DYM: variants seen among roughly 807,000 people sequenced by gnomAD.
DYM encodes dymeclin, also known as dyggve-Melchior-Clausen syndrome protein.
In DYM, 78 loss-of-function variants were observed where a neutral mutation model predicts 93.1. The ratio of observed to expected loss-of-function variants is 0.84; its 90% CI spans 0.70 to 1.01. DYM has a LOEUF of 1.01. Among genes scored for constraint, DYM ranks in the 50% least tolerant of loss-of-function variants. DYM has a pLI of 0.00. For missense variants in DYM, 789 were observed against 845.0 expected, an observed-to-expected ratio of 0.93 and a Z score of 0.82; for synonymous variants, 321 against 319.7, an observed-to-expected ratio of 1.00 and a Z score of -0.04.
intron 1 of DYM, among the ~76,000 whole-genome samples, chr18:49,455,326 A>G (rs2082891234): frequency 6.6e-6 from 1 of 152,234 alleles, no homozygotes; most frequent in Admixed American, 6.5e-5. Context: ...CCACATGCTC[A>G]ATACTGAACT....
chr18:49,370,280 GA>G (rs35985394), intron 5 of DYM, among the ~76,000 whole-genome samples: 1,887 of 120,992 alleles, frequency 0.016, 48 homozygotes, highest in African/African-American at 0.061. Flanking sequence ...CTCCATCTCA[GA>G]AAAAAAAAAA....
chr18:49,077,875 G>A (rs1320617876), intron 17 of DYM, among the ~76,000 whole-genome samples: 2 of 151,722 alleles, frequency 1.3e-5, no homozygotes, highest in African/African-American at 4.8e-5. Context: ...GTATATAGTT[G>A]GGTCTTATTT....
At chr18:49,437,297 C>T (rs1600242152) in intron 1 of DYM, among the ~76,000 whole-genome samples, 1 of 152,284 alleles carries the variant, frequency 6.6e-6, no homozygotes, top group East Asian at 1.9e-4. Flanking sequence ...TTCCTCTCTA[C>T]TCTGCTATTC....
intron 14 of DYM, among the ~76,000 whole-genome samples, chr18:49,197,924 T>C (rs545426643): frequency 3.3e-5 from 5 of 152,230 alleles, no homozygotes; most frequent in African/African-American, 1.2e-4. Flanking sequence ...CATCGCCAAG[T>C]CAATCCTAAG....
At chr18:49,128,503 C>T (rs949947754) in intron 15 of DYM, among the ~76,000 whole-genome samples, 4 of 152,142 alleles carry the variant, frequency 2.6e-5, no homozygotes, top group South Asian at 2.1e-4. Context: ...CTACTGAGTG[C>T]CTTGTCTCAT....
intron 13 of DYM, among the ~76,000 whole-genome samples, chr18:49,217,505 A>C (rs2093128604): frequency 6.6e-6 from 1 of 152,220 alleles, no homozygotes. Flanking sequence ...AGCCAGAGAG[A>C]AAGGCCGGGT....
At chr18:49,092,085 T>C (rs1012972728) in intron 17 of DYM, among the ~76,000 whole-genome samples, 6 of 152,258 alleles carry the variant, frequency 3.9e-5, no homozygotes, top group African/African-American at 7.2e-5. Flanking sequence ...TTCAGTTGTA[T>C]ATAAATGTGT....
chr18:49,212,949 A>C (rs28624111), intron 13 of DYM, among the ~76,000 whole-genome samples: 4,045 of 152,298 alleles, frequency 0.027, 177 homozygotes, highest in African/African-American at 0.091. Flanking sequence ...AAACAAGATC[A>C]TGGGAAGGAG....
Position 49,430,452 on chromosome 18 carries a change from AAAAAAT to A in DYM, c.-53-11_-53-6del, listed in dbSNP as rs1600193944. ...CCTGCATTTCCAAAAGACAACCTAT[AAAAAAT>A]AAAAATAAAAACTTTAAACTTGTTC... is the stretch of plus-strand genomic sequence containing the variant. On this transcript the variant is annotated splice_region_variant and splice_polypyrimidine_tract_variant and intron_variant, in intron 1 of 17. Coordinates refer to ENST00000675505, the MANE Select transcript of DYM (RefSeq NM_001353214.3). 1.9e-6 allele frequency: 3 copies of A among 1,601,610 alleles called. No homozygotes were observed. Among genetic ancestry groups the A allele is most frequent in the Admixed American group, 3.4e-5 (2 of 59,572 alleles).
At chr18:49,244,335 T>A (rs2094115963) in intron 13 of DYM, among the ~76,000 whole-genome samples, 1 of 152,300 alleles carries the variant, frequency 6.6e-6, no homozygotes, top group East Asian at 1.9e-4. Context: ...CCCTCAAATC[T>A]TTTCAGTCAG....
chr18:49,440,484 A>G (rs1183968917), intron 1 of DYM, among the ~76,000 whole-genome samples: 1 of 88,824 alleles, frequency 1.1e-5, no homozygotes, highest in Admixed American at 1.8e-4. Context: ...TATATATTAT[A>G]TATTTATATA....
At chr18:49,393,332 G>T (rs1244858593) in intron 2 of DYM, among the ~76,000 whole-genome samples, 1 of 152,074 alleles carries the variant, frequency 6.6e-6, no homozygotes, top group Non-Finnish European at 1.5e-5. Context: ...TGAAAGCAGG[G>T]TCTTGAAGAG....
At chr18:49,341,200 G>T (rs2064091217) in intron 6 of DYM, among the ~76,000 whole-genome samples, 1 of 152,074 alleles carries the variant, frequency 6.6e-6, no homozygotes, top group South Asian at 2.1e-4. Flanking sequence ...CTATGACAAA[G>T]ATGATAAAGG....
chr18:49,308,302 A>ATATATATG (rs2146303904), intron 8 of DYM, among the ~76,000 whole-genome samples: 1 of 152,064 alleles, frequency 6.6e-6, no homozygotes, highest in Admixed American at 6.6e-5. Flanking sequence ...ATATATATAT[A>ATATATATG]TATATATGTA....
In DYM at chr18:49,203,624, T is replaced by C. The variant is rs1017647785; in HGVS notation, c.1625+5927A>G. Reference sequence around the variant, plus strand: ...TAAATGGTTTAAGGGCGGTGCAAGATGTGCTTTGTTAAACAGATGCTTGAA... The same window carrying C: ...TAAATGGTTTAAGGGCGGTGCAAGACGTGCTTTGTTAAACAGATGCTTGAA... On this transcript the variant is annotated intron_variant, in intron 14 of 17. Transcript: ENST00000675505. Among the ~76,000 whole-genome samples the C allele has an allele frequency of 3.5e-5, 5 of 141,688 alleles. No individual in the cohort carries two copies. In the Admixed American group the frequency reaches 3.5e-4, roughly 10 times the overall value. 93.0% of individuals were successfully genotyped at this position (141,688 alleles called of 152,430 possible). A position where few individuals can be genotyped will look rare whatever the true frequency, so the allele number is the denominator to read the frequency against.
chr18:49,435,413 A>G (rs2080756068), intron 1 of DYM, among the ~76,000 whole-genome samples: 1 of 122,354 alleles, frequency 8.2e-6, no homozygotes, highest in Non-Finnish European at 1.6e-5. Context: ...TAGGGTAAAC[A>G]CTAAAACAGT....
chr18:49,206,369 T>C (rs1431182773), intron 14 of DYM: 1 of 152,678 alleles, frequency 6.5e-6, no homozygotes, highest in Non-Finnish European at 1.5e-5. Context: ...AAATTCCGCA[T>C]AACAGAAAGC....
intron 14 of DYM, among the ~76,000 whole-genome samples, chr18:49,206,231 C>G (rs549510611): frequency 3.3e-5 from 5 of 152,132 alleles, no homozygotes; most frequent in African/African-American, 1.2e-4. Context: ...ATCTCCTGAC[C>G]TTATGATCTG....
intron 8 of DYM, among the ~76,000 whole-genome samples, chr18:49,289,776 C>CATATATATATAT (rs368783117): frequency 1.8e-4 from 15 of 85,504 alleles, no homozygotes; most frequent in African/African-American, 1.7e-4. Flanking sequence ...TATATATACA[C>CATATATATATAT]ATATATATAT....
Sources: allele counts gnomAD v4.1 joint callset (sites outside exome capture counted in the v4.1 genomes callset), GRCh38; gene constraint gnomAD v4.1.1; transcripts MANE v1.5; gene names NCBI Gene and HGNC (gene_info 2026-07-23, HGNC 2026-07-21).